Variants in MYO16 observed in about 807,000 individuals in gnomAD.
The protein encoded by MYO16 is myosin XVI.
A neutral mutation model predicts 205.3 loss-of-function variants in MYO16; 94 were observed. The observed-to-expected ratio is 0.46, with a 90% CI of 0.39 to 0.54. The LOEUF is 0.54. MYO16 is among the 20% of genes least tolerant of loss of function. The pLI is 0.00. For missense variants in MYO16, 2,315 were observed against 2,387.5 expected (o/e 0.97, Z 0.63); for synonymous variants, 988 against 954.0 (o/e 1.04, Z -0.66).
intron 23 of MYO16, among the ~76,000 whole-genome samples, chr13:109,023,199 GA>G: frequency 8.4e-6 from 1 of 119,220 alleles, no homozygotes; most frequent in African/African-American, 3.2e-5. Flanking sequence ...TATTATATAT[GA>G]ATATAAATTT....
intron 1 of MYO16, among the ~76,000 whole-genome samples, chr13:108,632,789 T>C (rs1324237635): frequency 1.3e-5 from 2 of 152,080 alleles, no homozygotes; most frequent in Non-Finnish European, 2.9e-5. Context: ...CAGAGCCCCA[T>C]GCCTGTTGAG....
chr13:108,663,329 C>G (rs1331012912), intron 1 of MYO16, among the ~76,000 whole-genome samples: 2 of 151,130 alleles, frequency 1.3e-5, no homozygotes, highest in East Asian at 1.9e-4. Flanking sequence ...TTTTTGAGAT[C>G]AACTGGTCAT....
At chr13:108,852,747 G>T (rs1442603656) in intron 10 of MYO16, among the ~76,000 whole-genome samples, 1 of 152,146 alleles carries the variant, frequency 6.6e-6, no homozygotes, top group Non-Finnish European at 1.5e-5. Context: ...GGGCACTAAT[G>T]AGGCACACTT....
intron 16 of MYO16, among the ~76,000 whole-genome samples, chr13:108,955,042 G>A: frequency 6.6e-6 from 1 of 152,144 alleles, no homozygotes; most frequent in Admixed American, 6.5e-5. Context: ...AAATGTCTTA[G>A]GTTCCCACGA....
At chr13:108,972,057 A>C (rs1418982533) in intron 20 of MYO16, among the ~76,000 whole-genome samples, 1 of 149,516 alleles carries the variant, frequency 6.7e-6, no homozygotes, top group Non-Finnish European at 1.5e-5. Context: ...AATACAAAAA[A>C]GTTAGCCAGG....
intron 34 of MYO16, among the ~76,000 whole-genome samples, chr13:109,198,073 A>G (rs1016477420): frequency 3.9e-5 from 6 of 152,300 alleles, no homozygotes; most frequent in African/African-American, 1.4e-4. Context: ...TCTTGCAGGA[A>G]AAAGAAAATC....
intron 7 of MYO16, among the ~76,000 whole-genome samples, chr13:108,808,826 A>G (rs1887197877): frequency 6.6e-6 from 1 of 152,222 alleles, no homozygotes; most frequent in African/African-American, 2.4e-5. Context: ...CATATATGCC[A>G]CACATGATAC....
At chr13:109,198,725 C>T (rs1297371993) in intron 34 of MYO16, among the ~76,000 whole-genome samples, 1 of 152,180 alleles carries the variant, frequency 6.6e-6, no homozygotes, top group Non-Finnish European at 1.5e-5. Context: ...GCACTCACTA[C>T]TTTTGTGAGG....
At chr13:109,104,686 G>A (rs573339866) in intron 28 of MYO16, among the ~76,000 whole-genome samples, 2 of 152,236 alleles carry the variant, frequency 1.3e-5, no homozygotes, top group East Asian at 1.9e-4. Context: ...ACTCATAGGC[G>A]GTGCTGGTGG....
chr13:109,095,209 G>A (rs1888741099), intron 27 of MYO16, among the ~76,000 whole-genome samples: 3 of 152,230 alleles, frequency 2.0e-5, no homozygotes, highest in Admixed American at 2.0e-4. Context: ...CTCAGACACA[G>A]AGCAAGTGAA....
At chr13:108,556,903 A>G in the MYO16 span, among the ~76,000 whole-genome samples, 1 of 151,848 alleles carries the variant, frequency 6.6e-6, no homozygotes, top group Non-Finnish European at 1.5e-5. Flanking sequence ...TTCTTTCTCC[A>G]TTGTGTGTTG....
In MYO16 at chr13:109,140,393, G is replaced by A. The variant is rs565026402; in HGVS notation, c.4181G>A (p.Gly1394Glu). The change falls in exon 32 of 35, where the codon GGG (glycine) becomes GAG (glutamate). Residue 1394 changes from glycine (G) to glutamate (E), a missense_variant. Physicochemically the swap from Gly to Glu is moderately conservative, Grantham distance 98. Transcript: ENST00000457511. This position sits in a 1 kb window ranked among gnomAD's most constrained non-coding sequence, Gnocchi z 8.0. ...SYEEISGSRP[G>E]DARPAGAPGA... ...GAGGAGATATCGGGGTCCCGGCCCGGGGACGCGAGGCCCGCGGGCGCCCCG... is the reference window on the plus strand; with the variant it reads ...GAGGAGATATCGGGGTCCCGGCCCGAGGACGCGAGGCCCGCGGGCGCCCCG... The A allele has an allele frequency of 1.9e-6, 3 of 1,594,872 alleles. No individual in the cohort carries two copies. Among genetic ancestry groups the A allele is most frequent in the Non-Finnish European group, 2.6e-6 (3 of 1,175,912 alleles).
chr13:108,672,271 C>G (rs915686640), intron 2 of MYO16, among the ~76,000 whole-genome samples: 10 of 152,096 alleles, frequency 6.6e-5, no homozygotes, highest in African/African-American at 2.4e-4. Flanking sequence ...TATCTTTAAG[C>G]TATTGAAATA....
In MYO16 at chr13:109,022,406, TA is replaced by T. The variant is rs1360777605; in HGVS notation, c.2796+2496del. Among the ~76,000 whole-genome samples the T allele has an allele frequency of 2.8e-3, 9 of 3,246 alleles. 1 individual carries two copies. The highest frequency in any genetic ancestry group is 4.6e-3 in the African/African-American group (3 of 650). 2.1% of individuals were successfully genotyped at this position (3,246 alleles called of 152,430 possible). A position where few individuals can be genotyped will look rare whatever the true frequency, so the allele number is the denominator to read the frequency against. On this transcript the variant is annotated intron_variant, in intron 23 of 34. Coordinates refer to ENST00000457511, the MANE Select transcript of MYO16 (RefSeq NM_001198950.3). ...ACAAATATACATATATGTATATATGTATATATTGTATATACAAATATAAACA... is the reference window on the plus strand; with the variant it reads ...ACAAATATACATATATGTATATATGTTATATTGTATATACAAATATAAACA...
At chr13:109,135,059 GAC>G (rs1876710073) in intron 31 of MYO16, among the ~76,000 whole-genome samples, 1 of 152,206 alleles carries the variant, frequency 6.6e-6, no homozygotes, top group Non-Finnish European at 1.5e-5. Context: ...TCCTGAGAGA[GAC>G]AGCGCCTCAA....
chr13:108,682,009 A>G (rs1193753773), intron 2 of MYO16, among the ~76,000 whole-genome samples: 8 of 152,146 alleles, frequency 5.3e-5, no homozygotes, highest in Admixed American at 5.2e-4. Flanking sequence ...CCCATCACAG[A>G]CCTGCTAAAT....
At chr13:108,740,833 GC>G (rs1884881411) in intron 4 of MYO16, among the ~76,000 whole-genome samples, 1 of 151,280 alleles carries the variant, frequency 6.6e-6, no homozygotes, top group South Asian at 2.2e-4. Flanking sequence ...CTCAGCAATG[GC>G]AGGCACCCCT....
At chr13:108,680,126 C>A (rs1594203544) in intron 2 of MYO16, among the ~76,000 whole-genome samples, 1 of 152,148 alleles carries the variant, frequency 6.6e-6, no homozygotes, top group Non-Finnish European at 1.5e-5. Flanking sequence ...CTGCTCCAAT[C>A]CCAGCAGATG....
intron 23 of MYO16, among the ~76,000 whole-genome samples, chr13:109,029,976 C>T (rs147719367): frequency 6.6e-6 from 1 of 152,098 alleles, no homozygotes; most frequent in African/African-American, 2.4e-5. Flanking sequence ...TAGTTTATGG[C>T]TAGTTGGTAT....
Sources: gnomAD v4.1 joint callset for allele counts (sites outside exome capture counted in the v4.1 genomes callset) on GRCh38, gnomAD v4.1.1 for gene constraint, Gnocchi (gnomAD v3.1) non-coding constraint, MANE v1.5 for transcripts, NCBI Gene and HGNC (gene_info 2026-07-23, HGNC 2026-07-21) for gene names.